The following LRRTM3 variants were observed in gnomAD, a reference collection of about 807,000 sequenced individuals.
The protein encoded by LRRTM3 is leucine-rich repeat transmembrane neuronal protein 3.
LRRTM3 carries 24 observed loss-of-function variants against 44.7 expected under a neutral mutation model. The ratio of observed to expected loss-of-function variants is 0.54; its 90% CI spans 0.39 to 0.76. The LOEUF is 0.76. Ranked by LOEUF, LRRTM3 falls within the 30% of genes least tolerant of loss-of-function variation. The pLI, the probability that LRRTM3 is intolerant of heterozygous loss-of-function variation, is 0.00. For synonymous variants in LRRTM3, 277 were observed against 278.7 expected, an observed-to-expected ratio of 0.99 and a Z score of 0.06; for missense variants, 587 against 702.2, an observed-to-expected ratio of 0.84 and a Z score of 1.85.
intron 2 of LRRTM3, among the ~76,000 whole-genome samples, chr10:66,984,925 A>G (rs1336472034): frequency 6.6e-6 from 1 of 152,118 alleles, no homozygotes; most frequent in Non-Finnish European, 1.5e-5. Flanking sequence ...CAATAAGAAC[A>G]TTAATTCAAG....
At chr10:67,000,459 T>C (rs1851612875) in intron 2 of LRRTM3, among the ~76,000 whole-genome samples, 1 of 152,180 alleles carries the variant, frequency 6.6e-6, no homozygotes, top group South Asian at 2.1e-4. Context: ...GTTAGTTCTA[T>C]GAGAGACAAC....
intron 2 of LRRTM3, among the ~76,000 whole-genome samples, chr10:67,047,604 T>C (rs148476275): frequency 1.2e-4 from 19 of 152,268 alleles, no homozygotes; most frequent in African/African-American, 4.3e-4. Flanking sequence ...GGCTCTCGTA[T>C]AGGCAATAAA....
intron 2 of LRRTM3, among the ~76,000 whole-genome samples, chr10:66,934,145 C>A (rs765842286): frequency 6.6e-6 from 1 of 151,978 alleles, no homozygotes; most frequent in Non-Finnish European, 1.5e-5. Flanking sequence ...TTTCTAACAA[C>A]AGAACTTCTA....
At chr10:67,039,551 CT>C (rs898132943) in intron 2 of LRRTM3, among the ~76,000 whole-genome samples, 7 of 152,138 alleles carry the variant, frequency 4.6e-5, no homozygotes, top group African/African-American at 1.4e-4. Flanking sequence ...GTTGTTGATA[CT>C]TTTTTTGTTT....
chr10:67,016,860 TATAACA>T (rs1852691242), intron 2 of LRRTM3, among the ~76,000 whole-genome samples: 1 of 152,212 alleles, frequency 6.6e-6, no homozygotes, highest in African/African-American at 2.4e-5. Context: ...AAAACACCTC[TATAACA>T]ATATCTAAAA....
At chr10:67,083,774 A>C (rs10762136) in intron 2 of LRRTM3, among the ~76,000 whole-genome samples, 83,444 of 151,926 alleles carry the variant, frequency 0.55, 24,085 homozygotes, top group African/African-American at 0.74. Context: ...AAAATACATT[A>C]GTTCTCCCCA....
chr10:66,942,737 ATTG>A (rs796879986), intron 2 of LRRTM3, among the ~76,000 whole-genome samples: 1 of 152,058 alleles, frequency 6.6e-6, no homozygotes, highest in East Asian at 1.9e-4. Flanking sequence ...AGAACATGCT[ATTG>A]TTATTACAGT....
intron 2 of LRRTM3, among the ~76,000 whole-genome samples, chr10:67,059,174 C>T (rs1855611739): frequency 6.6e-6 from 1 of 152,112 alleles, no homozygotes; most frequent in Non-Finnish European, 1.5e-5. Flanking sequence ...GGTAACATAA[C>T]ATCCACTTTC....
At chr10:66,957,115 T>C (rs1273186691) in intron 2 of LRRTM3, among the ~76,000 whole-genome samples, 1 of 152,098 alleles carries the variant, frequency 6.6e-6, no homozygotes, top group Non-Finnish European at 1.5e-5. Flanking sequence ...CATCTCCTGA[T>C]GGGAAATAGA....
chr10:66,926,714 T>C (rs1328543514), intron 1 of LRRTM3, 127 bp downstream of exon 1: 9 of 1,169,044 alleles, frequency 7.7e-6, no homozygotes, highest in Non-Finnish European at 9.8e-6. Context: ...ATGAATTTAT[T>C]TGCTTAGTGG....
chr10:66,958,259 T>G (rs1041446947), intron 2 of LRRTM3, among the ~76,000 whole-genome samples: 5 of 150,394 alleles, frequency 3.3e-5, no homozygotes, highest in African/African-American at 1.2e-4. Flanking sequence ...AACTTAGCAT[T>G]TATTGGTTAA....
intron 2 of LRRTM3, among the ~76,000 whole-genome samples, chr10:66,956,748 C>T (rs1358682088): frequency 6.6e-6 from 1 of 152,186 alleles, no homozygotes; most frequent in Non-Finnish European, 1.5e-5. Flanking sequence ...GGTTGCTTAA[C>T]TGATTTCAAC....
At chr10:67,034,266 T>C (rs1229855806) in intron 2 of LRRTM3, among the ~76,000 whole-genome samples, 1 of 152,150 alleles carries the variant, frequency 6.6e-6, no homozygotes, top group African/African-American at 2.4e-5. Context: ...GTGTAATCAT[T>C]TGCCAAGCAA....
intron 2 of LRRTM3, among the ~76,000 whole-genome samples, chr10:66,987,086 A>G (rs1197395028): frequency 2.6e-5 from 4 of 152,204 alleles, no homozygotes; most frequent in Admixed American, 2.6e-4. Flanking sequence ...TCCCGACGTG[A>G]AGTCCTTTTA....
At position 67,037,519 on chromosome 10, in the gene LRRTM3, G is replaced by A. The variant is rs141007096; in HGVS notation, c.1537-60068G>A. On this transcript the variant is annotated intron_variant, in intron 2 of 2. Transcript: ENST00000361320. ...ATATAAGATGTTTAGGTAGAGGAGT[G>A]ATCATCATATCTGCATTTCAGGTAG... Among the ~76,000 whole-genome samples the A allele has an allele frequency of 5.0e-3, 755 of 152,256 alleles. 3 individuals are homozygous for A. Among genetic ancestry groups the A allele is most frequent in the Middle Eastern group, 0.027 (8 of 294 alleles).
rs544889913 is a variant in LRRTM3, at chr10:67,037,527, T to C, written c.1537-60060T>C. 2.6e-5 allele frequency among the ~76,000 whole-genome samples: 4 copies of C among 152,328 alleles called. No individual in the cohort carries two copies. In the South Asian group the frequency reaches 8.3e-4, roughly 32 times the overall value. ...TGTTTAGGTAGAGGAGTGATCATCA[T>C]ATCTGCATTTCAGGTAGATTCACAT... On this transcript the variant is annotated intron_variant, in intron 2 of 2. Transcript: ENST00000361320.
chr10:66,951,218 C>T (rs1382450275), intron 2 of LRRTM3, among the ~76,000 whole-genome samples: 3 of 151,540 alleles, frequency 2.0e-5, no homozygotes, highest in African/African-American at 2.4e-5. Flanking sequence ...TGGGTTCAAG[C>T]GATTCTCCTG....
intron 2 of LRRTM3, among the ~76,000 whole-genome samples, chr10:66,939,233 A>G (rs1847876501): frequency 1.3e-5 from 2 of 152,302 alleles, no homozygotes; most frequent in African/African-American, 4.8e-5. Flanking sequence ...GAACTGAAGC[A>G]TCTTCCCTTT....
At chr10:67,034,367 A>C (rs1184144753) in intron 2 of LRRTM3, among the ~76,000 whole-genome samples, 2 of 152,330 alleles carry the variant, frequency 1.3e-5, no homozygotes, top group East Asian at 3.9e-4. Flanking sequence ...ATGAGGATAC[A>C]ATGCCCAATA....
Sources: allele counts gnomAD v4.1 joint callset (sites outside exome capture counted in the v4.1 genomes callset), GRCh38; gene constraint gnomAD v4.1.1; transcripts MANE v1.5; gene names NCBI Gene and HGNC (gene_info 2026-07-23, HGNC 2026-07-21).